The following SPATA17 variants were observed in gnomAD, a reference collection of about 807,000 sequenced individuals.
SPATA17 encodes the protein spermatogenesis associated 17.
In SPATA17, 53 loss-of-function variants were observed where a neutral mutation model predicts 62.2. That is an observed-to-expected ratio of 0.85 (90% CI 0.68 to 1.07). The LOEUF is 1.07. Among genes scored for constraint, SPATA17 ranks in the 50% least tolerant of loss-of-function variants. The pLI is 0.00. For missense variants in SPATA17, 466 were observed against 425.5 expected (o/e 1.10, Z -0.84); for synonymous variants, 146 against 146.8 (o/e 0.99, Z 0.04).
At chr1:217,697,494 T>A (rs1671486532) in intron 5 of SPATA17, among the ~76,000 whole-genome samples, 1 of 152,214 alleles carries the variant, frequency 6.6e-6, no homozygotes, top group Non-Finnish European at 1.5e-5. Context: ...ATTTATTACA[T>A]TATGATCAGA....
At chr1:217,855,950 C>T (rs1041473803) in intron 9 of SPATA17, among the ~76,000 whole-genome samples, 19 of 151,968 alleles carry the variant, frequency 1.3e-4, no homozygotes, top group African/African-American at 4.6e-4. Context: ...TGGTCTCGAT[C>T]CCTTGACCTC....
intron 9 of SPATA17, among the ~76,000 whole-genome samples, chr1:217,855,336 C>G (rs1446712381): frequency 6.6e-6 from 1 of 152,150 alleles, no homozygotes; most frequent in African/African-American, 2.4e-5. Flanking sequence ...GTATCACTAG[C>G]TCTATGATAA....
At chr1:217,707,259 T>G (rs1440563263) in intron 5 of SPATA17, among the ~76,000 whole-genome samples, 1 of 152,066 alleles carries the variant, frequency 6.6e-6, no homozygotes, top group African/African-American at 2.4e-5. Flanking sequence ...ATGCTACTGG[T>G]TTTTATATAT....
At chr1:217,726,749 A>C (rs929456715) in intron 5 of SPATA17, among the ~76,000 whole-genome samples, 2 of 151,662 alleles carry the variant, frequency 1.3e-5, no homozygotes, top group Non-Finnish European at 2.9e-5. Flanking sequence ...CTTTTAGAAA[A>C]GGGTTATAGG....
At chr1:217,640,814 A>G (rs1316084701) in intron 1 of SPATA17, among the ~76,000 whole-genome samples, 6 of 152,130 alleles carry the variant, frequency 3.9e-5, no homozygotes, top group Admixed American at 3.3e-4. Flanking sequence ...TATAGAAAAT[A>G]TATAATACAT....
intron 9 of SPATA17, among the ~76,000 whole-genome samples, chr1:217,840,474 G>A (rs1470312451): frequency 2.0e-5 from 3 of 151,990 alleles, no homozygotes; most frequent in African/African-American, 7.2e-5. Context: ...ACTGCTATCT[G>A]GCCTATTAAC....
chr1:217,743,488 A>G (rs6674253), intron 6 of SPATA17, among the ~76,000 whole-genome samples: 69,674 of 151,922 alleles, frequency 0.46, 17,488 homozygotes, highest in Non-Finnish European at 0.58. Flanking sequence ...GTTAATTTTA[A>G]TAACTCTGAA....
chr1:217,697,050 C>T (rs959547941), intron 5 of SPATA17, among the ~76,000 whole-genome samples: 3 of 152,244 alleles, frequency 2.0e-5, no homozygotes, highest in South Asian at 4.2e-4. Context: ...GCTCTGTCAC[C>T]CAGGCTGGAG....
chr1:217,849,055 G>C (rs1452067033), intron 9 of SPATA17, among the ~76,000 whole-genome samples: 1 of 152,066 alleles, frequency 6.6e-6, no homozygotes, highest in Non-Finnish European at 1.5e-5. Context: ...TTCTTAGAAA[G>C]TTTATTTTAG....
intron 9 of SPATA17, among the ~76,000 whole-genome samples, chr1:217,811,262 G>T (rs1394376352): frequency 1.3e-5 from 2 of 151,938 alleles, no homozygotes; most frequent in Non-Finnish European, 2.9e-5. Flanking sequence ...TCGAACTCCT[G>T]GCTCGAACTC....
intron 5 of SPATA17, among the ~76,000 whole-genome samples, chr1:217,703,286 C>T (rs1363498021): frequency 6.6e-6 from 1 of 150,972 alleles, no homozygotes; most frequent in African/African-American, 2.4e-5. Context: ...TTCTCCCTGC[C>T]TCAGCCTCCC....
intron 8 of SPATA17, among the ~76,000 whole-genome samples, chr1:217,788,887 C>G (rs1673926434): frequency 6.6e-6 from 1 of 152,132 alleles, no homozygotes; most frequent in African/African-American, 2.4e-5. Flanking sequence ...AGTGTTCTTC[C>G]TAAAGGTTTT....
In SPATA17 at chr1:217,859,930, G is replaced by C. The variant is rs1348479832; in HGVS notation, c.1006-2844G>C. Among the ~76,000 whole-genome samples, 3 of 151,764 alleles carry C rather than the reference G, an allele frequency of 2.0e-5. No homozygotes were observed. The South Asian group carries it at 6.3e-4, about 32-fold the overall frequency. On this transcript the variant is annotated intron_variant, in intron 9 of 10. Coordinates refer to ENST00000366933, the MANE Select transcript of SPATA17 (RefSeq NM_138796.4). ...TTTGCTCTGATTTTATTATTTCTTT[G>C]CTTCTGCTTACTTTGTAATTAATTT...
chr1:217,815,000 C>T (rs1401738805), intron 9 of SPATA17, among the ~76,000 whole-genome samples: 2 of 152,060 alleles, frequency 1.3e-5, no homozygotes, highest in African/African-American at 2.4e-5. Flanking sequence ...CAATTAAACT[C>T]GTAACCTTAT....
chr1:217,855,813 G>A (rs901982745), intron 9 of SPATA17, among the ~76,000 whole-genome samples: 50 of 143,232 alleles, frequency 3.5e-4, no homozygotes, highest in African/African-American at 1.1e-3. Context: ...TGCAACCTCC[G>A]TCTCCTGGGT....
chr1:217,635,280 T>C (rs1669910319), intron 1 of SPATA17, among the ~76,000 whole-genome samples: 1 of 152,236 alleles, frequency 6.6e-6, no homozygotes, highest in African/African-American at 2.4e-5. Flanking sequence ...CCTGATGTCA[T>C]GTGCCCAAGG....
In SPATA17 at chr1:217,762,567, T is replaced by C. The variant is rs575419945; in HGVS notation, c.520-11767T>C. On this transcript the variant is annotated intron_variant, in intron 6 of 10. Coordinates refer to ENST00000366933, the MANE Select transcript of SPATA17 (RefSeq NM_138796.4). ...AAATTTTAATCTCTCTGTAGACCTG[T>C]GGTTTTATATCAGTTATTCAGGTCA... 7.2e-5 allele frequency among the ~76,000 whole-genome samples: 11 copies of C among 152,354 alleles called. 1 individual carries two copies. Among genetic ancestry groups the C allele is most frequent in the African/African-American group, 1.9e-4 (8 of 41,590 alleles).
intron 5 of SPATA17, among the ~76,000 whole-genome samples, chr1:217,705,552 T>C (rs2102922681): frequency 7.0e-6 from 1 of 142,560 alleles, no homozygotes; most frequent in African/African-American, 2.6e-5. Flanking sequence ...GCAATTCTCC[T>C]GCCTCAGCCT....
chr1:217,632,787 A>T (rs2102871284), intron 1 of SPATA17, among the ~76,000 whole-genome samples: 1 of 152,328 alleles, frequency 6.6e-6, no homozygotes, highest in African/African-American at 2.4e-5. Context: ...AAACATAGAA[A>T]TTATCTATTT....
Sources: allele counts gnomAD v4.1 joint callset (sites outside exome capture counted in the v4.1 genomes callset), GRCh38; gene constraint gnomAD v4.1.1; transcripts MANE v1.5; gene names NCBI Gene and HGNC (gene_info 2026-07-23, HGNC 2026-07-21).